The following RPA3 variants were observed in gnomAD, a reference collection of about 807,000 sequenced individuals.
RPA3 encodes replication protein A 14 kDa subunit.
Under a neutral mutation model 13.7 loss-of-function variants are expected in RPA3, and 24 were observed. The ratio of observed to expected loss-of-function variants is 1.75; its 90% CI spans 1.27 to 2.46. The LOEUF (loss-of-function observed/expected upper bound fraction) is 2.46, where lower values mean the gene tolerates loss of function less well. RPA3 is among the 30% of genes most tolerant of loss of function. The pLI, the probability that RPA3 is intolerant of heterozygous loss-of-function variation, is 0.00. For missense variants in RPA3, 183 were observed against 151.0 expected, an observed-to-expected ratio of 1.21 and a Z score of -1.11; for synonymous variants, 59 against 51.2, an observed-to-expected ratio of 1.15 and a Z score of -0.65.
At chr7:7,699,264 TATAAC>T (rs1358589839) in intron 2 of RPA3, among the ~76,000 whole-genome samples, 1 of 152,190 alleles carries the variant, frequency 6.6e-6, no homozygotes, top group South Asian at 2.1e-4. Context: ...ATTTTAATAA[TATAAC>T]AGATTTAATT....
chr7:7,655,301 T>C (rs1258429659), intron 4 of RPA3, among the ~76,000 whole-genome samples: 2 of 152,236 alleles, frequency 1.3e-5, no homozygotes, highest in African/African-American at 4.8e-5. Flanking sequence ...AAGGATTTCA[T>C]GTTTGAAATC....
chr7:7,638,052 T>A, intron 6 of RPA3, 80 bp from the exon 7 acceptor site: 1 of 947,060 alleles, frequency 1.1e-6, no homozygotes, highest in Non-Finnish European at 1.6e-6. Flanking sequence ...TTATACAGGT[T>A]ACTAATCTAT....
chr7:7,663,969 C>T (rs373879662), intron 4 of RPA3, among the ~76,000 whole-genome samples: 2 of 152,168 alleles, frequency 1.3e-5, no homozygotes, highest in Non-Finnish European at 2.9e-5. Context: ...TTTCCTTCTA[C>T]TGATTAGATT....
chr7:7,667,121 C>T (rs1487601376), intron 4 of RPA3, among the ~76,000 whole-genome samples: 1 of 152,162 alleles, frequency 6.6e-6, no homozygotes, highest in African/African-American at 2.4e-5. Context: ...CAGGTGAATT[C>T]TTTATCCCCC....
At chr7:7,647,447 G>A (rs538229713) in intron 4 of RPA3, among the ~76,000 whole-genome samples, 1 of 152,274 alleles carries the variant, frequency 6.6e-6, no homozygotes, top group African/African-American at 2.4e-5. Context: ...GCAAAAAAAT[G>A]TATTTTCCAG....
chr7:7,694,151 A>G (rs1780248059), intron 2 of RPA3, among the ~76,000 whole-genome samples: 2 of 152,212 alleles, frequency 1.3e-5, no homozygotes, highest in African/African-American at 4.8e-5. Flanking sequence ...AGCATTCCAA[A>G]GAAGGAATGA....
chr7:7,641,683 G>A (rs190189394), intron 4 of RPA3: 15 of 152,264 alleles, frequency 9.9e-5, no homozygotes, highest in African/African-American at 3.4e-4. Flanking sequence ...TAGAATGAGT[G>A]CACATAAAAA....
At chr7:7,684,303 G>A (rs1222005426) in intron 4 of RPA3, among the ~76,000 whole-genome samples, 1 of 151,786 alleles carries the variant, frequency 6.6e-6, no homozygotes, top group Non-Finnish European at 1.5e-5. Flanking sequence ...CCGCGTTCAA[G>A]CAATTCTCAT....
chr7:7,660,675 T>TA (rs1232848457), intron 4 of RPA3, among the ~76,000 whole-genome samples: 1 of 152,244 alleles, frequency 6.6e-6, no homozygotes, highest in African/African-American at 2.4e-5. Context: ...GATCCACTGT[T>TA]AGTCTGATGG....
At chr7:7,693,237 G>A (rs1256791398) in intron 2 of RPA3, among the ~76,000 whole-genome samples, 1 of 151,978 alleles carries the variant, frequency 6.6e-6, no homozygotes, top group Non-Finnish European at 1.5e-5. Context: ...CTTGTTTCCA[G>A]TATACAATTC....
intron 2 of RPA3, among the ~76,000 whole-genome samples, chr7:7,692,918 T>G (rs1293827744): frequency 6.6e-6 from 1 of 152,212 alleles, no homozygotes; most frequent in East Asian, 1.9e-4. Flanking sequence ...AAATGTGGCT[T>G]TTAAAATGGT....
chr7:7,702,640 C>T (rs917743342), intron 2 of RPA3, among the ~76,000 whole-genome samples: 3 of 152,118 alleles, frequency 2.0e-5, no homozygotes, highest in African/African-American at 7.2e-5. Flanking sequence ...GCAAAAGTTT[C>T]TTAATGTCTT....
chr7:7,659,245 A>T lies in RPA3; in HGVS notation c.-757-18070T>A, dbSNP rs554780800. Among the ~76,000 whole-genome samples, 60 of 151,938 alleles carry T rather than the reference A, an allele frequency of 3.9e-4. No individual in the cohort carries two copies. In the South Asian group the frequency reaches 4.6e-3, roughly 12 times the overall value. On this transcript the variant is annotated intron_variant, in intron 4 of 7. Transcript: ENST00000223129. ...AGTCTTTTTATTTTGTTGATCTTTT[A>T]AAAAAGCCAGCTCCTGGATTCATTG...
At chr7:7,702,436 A>T (rs1780482992) in intron 2 of RPA3, among the ~76,000 whole-genome samples, 1 of 152,078 alleles carries the variant, frequency 6.6e-6, no homozygotes, top group African/African-American at 2.4e-5. Flanking sequence ...TATAATACGA[A>T]AATTCTGGTT....
chr7:7,651,310 G>T (rs1308959098), intron 4 of RPA3, among the ~76,000 whole-genome samples: 2 of 152,194 alleles, frequency 1.3e-5, no homozygotes, highest in Admixed American at 1.3e-4. Flanking sequence ...CTTGTGACAA[G>T]GGTGGGCTTG....
At chr7:7,708,157 C>T (rs1208725789) in intron 2 of RPA3, among the ~76,000 whole-genome samples, 1 of 152,186 alleles carries the variant, frequency 6.6e-6, no homozygotes, top group Non-Finnish European at 1.5e-5. Flanking sequence ...ACGCCATTAT[C>T]ATCTAAATAG....
At chr7:7,689,085 A>G (rs764233935) in intron 2 of RPA3, among the ~76,000 whole-genome samples, 1 of 152,028 alleles carries the variant, frequency 6.6e-6, no homozygotes. Context: ...AGGAGAGCCA[A>G]CCTTATTCCC....
At chr7:7,687,492 C>T (rs1449570067) in intron 2 of RPA3, among the ~76,000 whole-genome samples, 164 bp from the exon 3 acceptor site, 1 of 152,148 alleles carries the variant, frequency 6.6e-6, no homozygotes, top group Non-Finnish European at 1.5e-5. Context: ...ATGGTGTGCA[C>T]CCTGCCAGGG....
At chr7:7,670,591 G>T (rs1779581799) in intron 4 of RPA3, among the ~76,000 whole-genome samples, 1 of 152,200 alleles carries the variant, frequency 6.6e-6, no homozygotes. Flanking sequence ...AAGGCAGTCT[G>T]TCTCATTGCC....
Sources: allele counts gnomAD v4.1 joint callset (sites outside exome capture counted in the v4.1 genomes callset), GRCh38; gene constraint gnomAD v4.1.1; transcripts MANE v1.5; gene names NCBI Gene and HGNC (gene_info 2026-07-23, HGNC 2026-07-21).